Variants in CPAMD8 observed in about 807,000 individuals in gnomAD.
The protein encoded by CPAMD8 is C3 and PZP-like alpha-2-macroglobulin domain-containing protein 8.
CPAMD8 carries 146 observed loss-of-function variants against 224.7 expected under a neutral mutation model. The ratio of observed to expected loss-of-function variants is 0.65; its 90% CI spans 0.57 to 0.75. CPAMD8 has a LOEUF of 0.75. Among genes scored for constraint, CPAMD8 ranks in the 30% least tolerant of loss-of-function variants. CPAMD8 has a pLI of 0.00. For missense variants in CPAMD8, 2,301 were observed against 2,537.5 expected (o/e 0.91, Z 2.00); for synonymous variants, 966 against 1,044.6 (o/e 0.92, Z 1.45).
At position 16,970,987 on chromosome 19, in the gene CPAMD8, CGGT is replaced by C; in HGVS notation, c.2114_2116del (p.His705del). On this transcript the variant is annotated inframe_deletion, in exon 18 of 42. Transcript: ENST00000443236. The stretch of plus-strand genomic sequence containing the variant: ...ATCGGTGTAGAGGCCACCGTCCTGC[CGGT>C]GGTTCAGGCTCACTCGGTCGGTCAT... 6.2e-7 allele frequency: 1 copy of C among 1,613,332 alleles called. No individual in the cohort carries two copies. The highest frequency in any genetic ancestry group is 8.5e-7 in the Non-Finnish European group (1 of 1,179,616).
chr19:16,983,399 A>AAAATAAATAAAT lies in CPAMD8; in HGVS notation c.1396-2725_1396-2714dup, dbSNP rs55638415. On this transcript the variant is annotated intron_variant, in intron 13 of 41. Coordinates refer to ENST00000443236, the MANE Select transcript of CPAMD8 (RefSeq NM_015692.5). ...GGGTGACAGAGTGAGACTCCATCTC[A>AAAATAAATAAAT]AAATAAATAAATAAATAAATAAATA... Among the ~76,000 whole-genome samples, 939 of 150,378 alleles carry AAAATAAATAAAT rather than the reference A, an allele frequency of 6.2e-3. 6 individuals are homozygous for AAAATAAATAAAT. Among genetic ancestry groups the AAAATAAATAAAT allele is most frequent in the African/African-American group, 0.02 (829 of 40,674 alleles).
At chr19:16,945,299 T>A (rs1472017077) in intron 22 of CPAMD8, among the ~76,000 whole-genome samples, 2 of 152,152 alleles carry the variant, frequency 1.3e-5, no homozygotes, top group African/African-American at 4.8e-5. Flanking sequence ...AGGGAGCACT[T>A]GCTGCAGCCC....
intron 24 of CPAMD8, 51 bp from the exon 25 acceptor site, chr19:16,928,285 G>A (rs1418210742): frequency 6.8e-7 from 1 of 1,475,500 alleles, no homozygotes; most frequent in Admixed American, 1.8e-5. Flanking sequence ...CAGGCAGTAG[G>A]CACTCAGGTG....
intron 27 of CPAMD8, among the ~76,000 whole-genome samples, chr19:16,920,228 C>T (rs1376251028): frequency 6.6e-6 from 1 of 152,158 alleles, no homozygotes; most frequent in Non-Finnish European, 1.5e-5. Context: ...GCCTGTAATC[C>T]CAGCACTTTG....
chr19:16,951,209 G>A (rs889724364), intron 20 of CPAMD8, among the ~76,000 whole-genome samples: 2 of 152,024 alleles, frequency 1.3e-5, no homozygotes, highest in East Asian at 1.9e-4. Context: ...AGTATAAACC[G>A]GGATCCCAAG....
intron 29 of CPAMD8, among the ~76,000 whole-genome samples, chr19:16,908,770 C>G (rs551424241): frequency 2.0e-5 from 3 of 152,302 alleles, no homozygotes; most frequent in African/African-American, 7.2e-5. Flanking sequence ...TTGAGATGCC[C>G]TTTGGGAGGC....
intron 22 of CPAMD8, among the ~76,000 whole-genome samples, chr19:16,944,073 AC>A (rs140881278): frequency 0.02 from 3,018 of 152,108 alleles, 40 homozygotes; most frequent in African/African-American, 0.026. Flanking sequence ...AGCCATCCCC[AC>A]CCTGGTACAG....
At chr19:17,023,367 G>GA (rs2057006746) in intron 1 of CPAMD8, among the ~76,000 whole-genome samples, 1 of 152,054 alleles carries the variant, frequency 6.6e-6, no homozygotes, top group African/African-American at 2.4e-5. Context: ...AGTATCTGCA[G>GA]CCTTCCATGG....
rs574347702 is a variant in CPAMD8 at position 16,939,447 on chromosome 19, G to A, written c.2794-1001C>T. ...TAGTCTCAAGCTCCTGACCTCAAGC[G>A]ATCCGCCTGCCTCGGCCTCCGAAAG... On this transcript the variant is annotated intron_variant, in intron 22 of 41. Transcript: ENST00000443236. 2.1e-3 allele frequency among the ~76,000 whole-genome samples: 323 copies of A among 152,152 alleles called. 2 individuals carry two copies. Among genetic ancestry groups the A allele is most frequent in the Non-Finnish European group, 4.0e-3 (273 of 67,998 alleles).
intron 12 of CPAMD8, among the ~76,000 whole-genome samples, chr19:16,993,108 G>C (rs188063207): frequency 1.3e-5 from 2 of 152,186 alleles, no homozygotes; most frequent in Non-Finnish European, 2.9e-5. Flanking sequence ...CTCTGAACCT[G>C]CACCCAGGCT....
intron 14 of CPAMD8, among the ~76,000 whole-genome samples, chr19:16,978,876 T>A (rs937493187): frequency 6.6e-6 from 1 of 150,802 alleles, no homozygotes; most frequent in Non-Finnish European, 1.5e-5. Flanking sequence ...CCATCCATCA[T>A]CCACCCATCC....
At chr19:16,996,971 C>T (rs928935769) in intron 11 of CPAMD8, 140 bp downstream of exon 11, 2 of 649,744 alleles carry the variant, frequency 3.1e-6, no homozygotes, top group African/African-American at 3.6e-5. Context: ...TCACCTGGAA[C>T]ACCAGCCCTC....
intron 22 of CPAMD8, among the ~76,000 whole-genome samples, chr19:16,941,776 C>G (rs2053899645): frequency 6.6e-6 from 1 of 151,864 alleles, no homozygotes; most frequent in African/African-American, 2.4e-5. Flanking sequence ...AGATTGAGAC[C>G]AGCCTGGCCA....
intron 39 of CPAMD8, 49 bp downstream of exon 39, chr19:16,897,642 G>T: frequency 1.9e-6 from 2 of 1,078,740 alleles, no homozygotes; most frequent in Non-Finnish European, 2.6e-6. Context: ...GGTGGGAGTC[G>T]GGGTGTGGCA....
chr19:16,938,484 G>A (rs113095063), intron 22 of CPAMD8, 38 bp from the exon 23 acceptor site: 140 of 1,316,346 alleles, frequency 1.1e-4, no homozygotes, highest in African/African-American at 1.8e-4. Flanking sequence ...GTGCTGGGGC[G>A]GTGAGGGGGA....
At chr19:16,946,432 TGTGA>T (rs1409453111) in intron 21 of CPAMD8, among the ~76,000 whole-genome samples, 1 of 148,346 alleles carries the variant, frequency 6.7e-6, no homozygotes, top group African/African-American at 2.5e-5. Context: ...GATTTGTGTG[TGTGA>T]ATGCATGTCT....
In CPAMD8 at chr19:17,011,643, C is replaced by T. The variant is rs191566965; in HGVS notation, c.382G>A (p.Ala128Thr). 2.9e-4 allele frequency: 465 copies of T among 1,614,114 alleles called. 1 individual carries two copies. In the African/African-American group the frequency reaches 4.9e-3, roughly 17 times the overall value. The change falls in exon 4 of 42, where the codon GCT (alanine) becomes ACT (threonine). Residue 128 changes from alanine (A) to threonine (T), a missense_variant. Transcript: ENST00000443236. Reference sequence around the variant, plus strand: ...TTGTCCGTCTGGATGAATACAGAAGCGCCCCGGCCGTCCACGGTCACCGAG... The same window carrying T: ...TTGTCCGTCTGGATGAATACAGAAGTGCCCCGGCCGTCCACGGTCACCGAG... ...QTSVTVDGRG[A>T]SVFIQTDKPV...
rs1568558571 is a variant in CPAMD8 at position 16,980,685 on chromosome 19, A to G, written c.1397T>C (p.Val466Ala). 3 of 1,532,232 alleles carry G rather than the reference A, an allele frequency of 2.0e-6. No individual in the cohort carries two copies. The highest frequency in any genetic ancestry group is 1.3e-5 in the South Asian group (1 of 78,200). 94.9% of individuals were successfully genotyped at this position (1,532,232 alleles called of 1,614,324 possible). A position where few individuals can be genotyped will look rare whatever the true frequency, so the allele number is the denominator to read the frequency against. ...CACAGAAAAATAGGCTTCTTCCCCA[A>G]CCTATGGAAGACACGCAGCATGGGG... ...QLQPPSHPLQ[V>A]GEEAYFSVKS... is the part of the protein sequence containing the mutation. The change falls in exon 14 of 42, where the codon GTT becomes GCT. Residue 466 changes from valine (V) to alanine (A), a missense_variant and splice_region_variant. Val to Ala is a moderately conservative substitution (Grantham distance 64). This residue lies in a region of CPAMD8 where 301 missense variants were observed against 406.6 expected (regional missense o/e 0.74). Transcript: ENST00000443236.
At chr19:16,980,764 G>T in intron 13 of CPAMD8, 78 bp from the exon 14 acceptor site, 1 of 1,217,542 alleles carries the variant, frequency 8.2e-7, no homozygotes, top group Non-Finnish European at 1.1e-6. Context: ...GCCATTCTGG[G>T]GCCAGAGGGA....
Sources: allele counts gnomAD v4.1 joint callset (sites outside exome capture counted in the v4.1 genomes callset), GRCh38; gene constraint gnomAD v4.1.1; regional missense constraint gnomAD v4.1.1; transcripts MANE v1.5; gene names NCBI Gene and HGNC (gene_info 2026-07-23, HGNC 2026-07-21).